The following MME variants were observed in gnomAD, a reference collection of about 807,000 sequenced individuals.
The protein encoded by MME is membrane metalloendopeptidase, also known as neprilysin.
Under a neutral mutation model 113.2 loss-of-function variants are expected in MME, and 98 were observed. The ratio of observed to expected loss-of-function variants is 0.87; its 90% CI spans 0.74 to 1.02. The LOEUF (loss-of-function observed/expected upper bound fraction) is 1.02. Ranked by LOEUF, MME falls within the 50% of genes least tolerant of loss-of-function variation. The pLI, the probability that MME is intolerant of heterozygous loss-of-function variation, is 0.00. For synonymous variants in MME, 292 were observed against 300.6 expected, an observed-to-expected ratio of 0.97 and a Z score of 0.30; for missense variants, 836 against 896.0, an observed-to-expected ratio of 0.93 and a Z score of 0.86.
At chr3:155,107,758 C>T (rs1717810586) in intron 3 of MME, among the ~76,000 whole-genome samples, 1 of 152,216 alleles carries the variant, frequency 6.6e-6, no homozygotes, top group Non-Finnish European at 1.5e-5. Context: ...AGTCTTTCTA[C>T]ACACATGTAC....
At chr3:155,092,748 A>C (rs1440716858) in intron 3 of MME, among the ~76,000 whole-genome samples, 1 of 152,222 alleles carries the variant, frequency 6.6e-6, no homozygotes, top group Non-Finnish European at 1.5e-5. Context: ...AATAAGCCAG[A>C]CACAAACTGC....
intron 3 of MME, among the ~76,000 whole-genome samples, chr3:155,100,825 C>T (rs1300782038): frequency 6.6e-6 from 1 of 152,126 alleles, no homozygotes; most frequent in Non-Finnish European, 1.5e-5. Context: ...TGGAGATTAG[C>T]CTGGGCAATG....
intron 1 of MME, among the ~76,000 whole-genome samples, chr3:155,052,491 A>G (rs1375221043): frequency 6.6e-6 from 1 of 152,232 alleles, no homozygotes; most frequent in Non-Finnish European, 1.5e-5. Context: ...CAGGACAAAC[A>G]CCAGGTGGAA....
chr3:155,084,375 A>T (rs368798481), intron 2 of MME, 48 bp downstream of exon 2: 20 of 1,590,832 alleles, frequency 1.3e-5, no homozygotes, highest in Non-Finnish European at 1.6e-5. Context: ...AAGAGAAGGA[A>T]ATCTTCCTCC....
At chr3:155,162,957 G>C (rs1437356698) in intron 17 of MME, among the ~76,000 whole-genome samples, 1 of 145,194 alleles carries the variant, frequency 6.9e-6, no homozygotes, top group Non-Finnish European at 1.5e-5. Flanking sequence ...AGGTTGCAAT[G>C]AGCTGAGATC....
In MME at chr3:155,034,648, GGT is replaced by G. The variant is rs542509073; in HGVS notation, c.-11+10327_-11+10328del. ...ATAAAGCACAAATGAAGGAAAACTG[GGT>G]GTTTCATTTTGAAATAAACCCCCTA... On this transcript the variant is annotated intron_variant, in intron 1 of 22. Coordinates refer to the MME transcript ENST00000492661. Among the ~76,000 whole-genome samples the G allele has an allele frequency of 8.3e-4, 127 of 152,176 alleles. 2 individuals are homozygous for G. In the East Asian group the frequency reaches 0.024, roughly 29 times the overall value.
At chr3:155,085,258 G>A in intron 3 of MME, 164 bp downstream of exon 3, 2 of 510,780 alleles carry the variant, frequency 3.9e-6, no homozygotes, top group Non-Finnish European at 7.0e-6. Context: ...TTAAGTAGTA[G>A]ATTAATTAAC....
chr3:155,051,713 A>G (rs1476580009), intron 1 of MME, among the ~76,000 whole-genome samples: 1 of 152,140 alleles, frequency 6.6e-6, no homozygotes. Context: ...ACAATTCAAG[A>G]TGAGATTTTG....
intron 8 of MME, among the ~76,000 whole-genome samples, chr3:155,124,602 G>A (rs1440211621): frequency 3.9e-5 from 6 of 152,002 alleles, no homozygotes; most frequent in Admixed American, 3.3e-4. Flanking sequence ...TTTTTGGTGT[G>A]GATGTCCTTT....
In MME at chr3:155,083,899, A is replaced by C. The variant is rs950432754; in HGVS notation, c.-10-259A>C. ...CAAGTCTTACTGTCTAATTTTGCTG[A>C]GATTTTCAGTGATATACCAAAGCAA... On this transcript the variant is annotated intron_variant, in intron 1 of 22. Transcript: ENST00000360490. 5 of 417,212 alleles carry C rather than the reference A, an allele frequency of 1.2e-5. No individual in the cohort carries two copies. The Admixed American group carries it at 1.9e-4, about 16-fold the overall frequency. The allele number at this position is 417,212 out of a possible 1,614,324, so 25.8% of individuals were successfully genotyped here.
intron 16 of MME, among the ~76,000 whole-genome samples, chr3:155,149,124 A>G (rs1472843203): frequency 1.3e-5 from 2 of 152,162 alleles, no homozygotes; most frequent in Non-Finnish European, 2.9e-5. Context: ...GTCAAATAGG[A>G]GATACTAGGA....
At chr3:155,118,440 T>C (rs1718807359) in intron 7 of MME, among the ~76,000 whole-genome samples, 1 of 152,214 alleles carries the variant, frequency 6.6e-6, no homozygotes, top group South Asian at 2.1e-4. Flanking sequence ...ATCTAACATG[T>C]TTTTGTTCAC....
intron 3 of MME, among the ~76,000 whole-genome samples, chr3:155,107,996 G>A (rs1375515414): frequency 1.3e-5 from 2 of 152,300 alleles, no homozygotes; most frequent in African/African-American, 4.8e-5. Context: ...CAGTTATAGT[G>A]CTGTTGGTGT....
chr3:155,054,678 A>C (rs2108130348), intron 1 of MME, among the ~76,000 whole-genome samples: 1 of 152,298 alleles, frequency 6.6e-6, no homozygotes, highest in African/African-American at 2.4e-5. Context: ...TTAGTTGGGC[A>C]TAGTGGCTCA....
At chr3:155,177,412 A>G (rs928743611) in intron 22 of MME, among the ~76,000 whole-genome samples, 2 of 152,168 alleles carry the variant, frequency 1.3e-5, no homozygotes, top group African/African-American at 4.8e-5. Context: ...TCTCTAACAT[A>G]AAGAATCCTT....
chr3:155,076,734 C>A (rs1714761412), upstream of MME, among the ~76,000 whole-genome samples: 1 of 152,192 alleles, frequency 6.6e-6, no homozygotes, highest in African/African-American at 2.4e-5. Flanking sequence ...GTAGATTATT[C>A]ATGAGTTTTC....
intron 1 of MME, among the ~76,000 whole-genome samples, chr3:155,063,720 T>TATTATATAC (rs1714279033): frequency 9.8e-6 from 1 of 102,370 alleles, no homozygotes; most frequent in African/African-American, 3.7e-5. Flanking sequence ...ATATTATATA[T>TATTATATAC]ACCATTGCTT....
chr3:155,047,275 T>C (rs893390216), intron 1 of MME, among the ~76,000 whole-genome samples: 2 of 152,222 alleles, frequency 1.3e-5, no homozygotes, highest in African/African-American at 2.4e-5. Flanking sequence ...GTCTATAGTA[T>C]GTAATAGAGT....
At chr3:155,137,929 A>T (rs1031184318) in intron 8 of MME, among the ~76,000 whole-genome samples, 173 bp from the exon 9 acceptor site, 2 of 135,642 alleles carry the variant, frequency 1.5e-5, no homozygotes, top group African/African-American at 5.0e-5. Flanking sequence ...TCAAAGATAT[A>T]TTGACTGTCT....
Sources: allele counts gnomAD v4.1 joint callset (sites outside exome capture counted in the v4.1 genomes callset), GRCh38; gene constraint gnomAD v4.1.1; transcripts MANE v1.5; gene names NCBI Gene and HGNC (gene_info 2026-07-23, HGNC 2026-07-21).